The following C10orf90 variants were observed in gnomAD, a reference collection of about 807,000 sequenced individuals.
The protein encoded by C10orf90 is chromosome 10 open reading frame 90.
In C10orf90, 56 loss-of-function variants were observed where a neutral mutation model predicts 62.5. The observed-to-expected ratio is 0.90, with a 90% CI of 0.72 to 1.12. The LOEUF (loss-of-function observed/expected upper bound fraction) is 1.12. Ranked by LOEUF, C10orf90 falls within the 50% of genes most tolerant of loss-of-function variation. The probability of loss-of-function intolerance (pLI) is 0.00; values close to 1 mark genes in which losing one functional copy is unlikely to be tolerated. For synonymous variants in C10orf90, 386 were observed against 340.4 expected, an observed-to-expected ratio of 1.13 and a Z score of -1.47; for missense variants, 970 against 880.4, an observed-to-expected ratio of 1.10 and a Z score of -1.29.
chr10:126,483,760 C>T (rs377279869), intron 4 of C10orf90, among the ~76,000 whole-genome samples: 1 of 152,170 alleles, frequency 6.6e-6, no homozygotes. Flanking sequence ...CAGAGTGAGG[C>T]CTGAAATCTT....
intron 7 of C10orf90, among the ~76,000 whole-genome samples, chr10:126,442,478 C>CATATATATATATATATAT (rs55780866): frequency 0.053 from 1,773 of 33,584 alleles, 268 homozygotes; most frequent in African/African-American, 0.056. Context: ...TTCAATATTT[C>CATATATATATATATATAT]ATATATATAT....
intron 7 of C10orf90, among the ~76,000 whole-genome samples, chr10:126,436,540 G>A (rs767237501): frequency 1.3e-4 from 20 of 152,134 alleles, no homozygotes; most frequent in Non-Finnish European, 2.5e-4. Context: ...GTCTTGTTAC[G>A]TATAAGTCTA....
At chr10:126,563,916 C>T (rs563076846) in intron 2 of C10orf90, among the ~76,000 whole-genome samples, 8 of 152,262 alleles carry the variant, frequency 5.3e-5, no homozygotes, top group Non-Finnish European at 1.0e-4. Flanking sequence ...TGAGAACAGG[C>T]GTTCTCAATC....
chr10:126,595,011 T>C (rs943407626), intron 2 of C10orf90, among the ~76,000 whole-genome samples: 5 of 152,130 alleles, frequency 3.3e-5, no homozygotes, highest in African/African-American at 9.7e-5. Flanking sequence ...CTTTAAAAGG[T>C]TTTTAAATAG....
intron 2 of C10orf90, among the ~76,000 whole-genome samples, chr10:126,519,868 A>G (rs945449368): frequency 5.3e-5 from 8 of 152,116 alleles, no homozygotes; most frequent in African/African-American, 1.9e-4. Flanking sequence ...CTGAGGGACC[A>G]ATCCAGCCGA....
Position 126,646,588 on chromosome 10 carries a change from C to A in C10orf90, c.290G>T (p.Arg97Ile), listed in dbSNP as rs776928488. Residue 97 changes from arginine (R) to isoleucine (I), a missense_variant, in exon 2 of 10, where the codon AGA (arginine) becomes ATA (isoleucine). Transcript: ENST00000488181. ...ACCTGCATTGGAAAGACTTTCATTT[C>A]TTTCCCAGGCAGAATGATCTTTGGG... ...SSPKDHSAWE[R>I]NESLSNAGLR... The A allele has an allele frequency of 2.2e-6, 1 of 450,620 alleles. No homozygotes were observed. Among genetic ancestry groups the A allele is most frequent in the Non-Finnish European group, 4.5e-6 (1 of 224,502 alleles). The allele number at this position is 450,620 out of a possible 1,614,324, so 27.9% of individuals were successfully genotyped here.
At chr10:126,565,415 ATT>A in intron 2 of C10orf90, among the ~76,000 whole-genome samples, 1 of 14,810 alleles carries the variant, frequency 6.8e-5, no homozygotes, top group Admixed American at 9.2e-4. Context: ...TATAATATAT[ATT>A]ATATATATTA....
intron 2 of C10orf90, among the ~76,000 whole-genome samples, chr10:126,532,915 GTATTAT>G (rs200872045): frequency 1.4e-5 from 2 of 140,788 alleles, no homozygotes; most frequent in African/African-American, 2.6e-5. Context: ...GCTTGCTACT[GTATTAT>G]TATTATTATT....
At chr10:126,545,819 C>T (rs1303019875) in intron 2 of C10orf90, among the ~76,000 whole-genome samples, 1 of 152,042 alleles carries the variant, frequency 6.6e-6, no homozygotes, top group Non-Finnish European at 1.5e-5. Context: ...GGTGGTTCTT[C>T]TCGGGGAGGG....
chr10:126,610,845 C>A (rs1845417065), intron 2 of C10orf90, among the ~76,000 whole-genome samples: 1 of 152,034 alleles, frequency 6.6e-6, no homozygotes, highest in African/African-American at 2.4e-5. Flanking sequence ...CAAATGAAGC[C>A]CCATCTGAAA....
chr10:126,455,679 T>C (rs1003413429), intron 7 of C10orf90, among the ~76,000 whole-genome samples: 1 of 152,212 alleles, frequency 6.6e-6, no homozygotes, highest in Admixed American at 6.5e-5. Context: ...GGTGATGAGA[T>C]AGTCAAGACA....
intron 2 of C10orf90, among the ~76,000 whole-genome samples, chr10:126,519,886 C>T (rs1246319868): frequency 2.6e-5 from 4 of 152,148 alleles, no homozygotes; most frequent in Non-Finnish European, 4.4e-5. Context: ...CGAGGAGAGG[C>T]CAGATCCCCT....
At chr10:126,586,853 C>T (rs1010350880) in intron 2 of C10orf90, among the ~76,000 whole-genome samples, 5 of 152,098 alleles carry the variant, frequency 3.3e-5, no homozygotes, top group African/African-American at 1.2e-4. Context: ...CACTGCTCCC[C>T]GCACCCCCCA....
At chr10:126,527,145 G>T (rs1863974453) in intron 2 of C10orf90, among the ~76,000 whole-genome samples, 1 of 152,124 alleles carries the variant, frequency 6.6e-6, no homozygotes, top group South Asian at 2.1e-4. Context: ...TTGCCAGACT[G>T]TTTCCCAAAG....
chr10:126,509,567 G>A (rs4962562), intron 3 of C10orf90, among the ~76,000 whole-genome samples: 133,712 of 152,248 alleles, frequency 0.88, 58,769 homozygotes, highest in African/African-American at 0.9. Flanking sequence ...GTGCAATTCT[G>A]TTATTCATAC....
intron 2 of C10orf90, among the ~76,000 whole-genome samples, chr10:126,579,895 C>T (rs117318519): frequency 1.5e-3 from 232 of 152,186 alleles, no homozygotes; most frequent in African/African-American, 5.3e-3. Flanking sequence ...ATTTCATAGA[C>T]GAGGGTTAGC....
At chr10:126,506,653 T>C (rs1299962815) in intron 3 of C10orf90, among the ~76,000 whole-genome samples, 3 of 152,182 alleles carry the variant, frequency 2.0e-5, no homozygotes, top group Non-Finnish European at 4.4e-5. Context: ...TTTCAAGTGA[T>C]TGTGATGTAG....
intron 2 of C10orf90, among the ~76,000 whole-genome samples, chr10:126,623,552 C>T (rs1845686568): frequency 1.3e-5 from 2 of 152,090 alleles, no homozygotes; most frequent in South Asian, 4.1e-4. Context: ...AGAATGAGAG[C>T]TTCATGAGGC....
intron 4 of C10orf90, among the ~76,000 whole-genome samples, chr10:126,485,105 A>G (rs956037448): frequency 1.3e-5 from 2 of 152,166 alleles, no homozygotes; most frequent in South Asian, 2.1e-4. Flanking sequence ...CTGGGAGGTA[A>G]TTAGGTCATA....
Sources: allele counts gnomAD v4.1 joint callset (sites outside exome capture counted in the v4.1 genomes callset), GRCh38; gene constraint gnomAD v4.1.1; transcripts MANE v1.5; gene names NCBI Gene and HGNC (gene_info 2026-07-23, HGNC 2026-07-21).